MARK1: variants seen among roughly 807,000 people sequenced by gnomAD.
The protein encoded by MARK1 is microtubule affinity regulating kinase 1, also known as serine/threonine-protein kinase MARK1.
Under a neutral mutation model 96.3 loss-of-function variants are expected in MARK1, and 40 were observed. That is an observed-to-expected ratio of 0.42 (90% CI 0.32 to 0.54). The LOEUF is 0.54. MARK1 is among the 20% of genes least tolerant of loss of function. MARK1 has a pLI of 0.16. For missense variants in MARK1, 719 were observed against 984.6 expected, an observed-to-expected ratio of 0.73 and a Z score of 3.61; for synonymous variants, 317 against 341.2, an observed-to-expected ratio of 0.93 and a Z score of 0.78.
In MARK1 at chr1:220,631,163, T is replaced by C. The variant is rs1354025988; in HGVS notation, c.1009+29T>C. On this transcript the variant is annotated intron_variant, in intron 10 of 17. Transcript: ENST00000366917. Reference sequence around the variant, plus strand: ...AGTATTTAAACATGGTAAGAAGTGCTGTCCCTAGGCAACAAGTAAGAGTCC... The same window carrying C: ...AGTATTTAAACATGGTAAGAAGTGCCGTCCCTAGGCAACAAGTAAGAGTCC... The C allele has an allele frequency of 3.3e-6, 5 of 1,493,052 alleles. No homozygotes were observed. In the South Asian group the frequency reaches 4.6e-5, roughly 14 times the overall value. 92.5% of individuals were successfully genotyped at this position (1,493,052 alleles called of 1,614,324 possible). A position where few individuals can be genotyped will look rare whatever the true frequency, so the allele number is the denominator to read the frequency against.
intron 3 of MARK1, among the ~76,000 whole-genome samples, chr1:220,588,811 T>C (rs1288671599): frequency 2.6e-5 from 4 of 152,196 alleles, no homozygotes; most frequent in South Asian, 2.1e-4. Context: ...GAACTGCATG[T>C]CACCTTCAGG....
chr1:220,598,682 G>T (rs1273281329), intron 4 of MARK1, among the ~76,000 whole-genome samples: 1 of 151,646 alleles, frequency 6.6e-6, no homozygotes, highest in African/African-American at 2.4e-5. Context: ...CTAATTAAAT[G>T]TTTCTAAATT....
At chr1:220,647,075 CCTT>C (rs1402138124) in intron 13 of MARK1, among the ~76,000 whole-genome samples, 1 of 152,030 alleles carries the variant, frequency 6.6e-6, no homozygotes, top group Non-Finnish European at 1.5e-5. Context: ...AAACTAAAGA[CCTT>C]CTGCATAGCA....
intron 11 of MARK1, among the ~76,000 whole-genome samples, chr1:220,633,331 G>T (rs1377903443): frequency 6.6e-6 from 1 of 151,536 alleles, no homozygotes; most frequent in Non-Finnish European, 1.5e-5. Flanking sequence ...CGAGAGTCAA[G>T]AACAGATCGC....
chr1:220,548,898 TA>T (rs1380340290), intron 1 of MARK1, among the ~76,000 whole-genome samples: 3 of 152,238 alleles, frequency 2.0e-5, no homozygotes, highest in Non-Finnish European at 4.4e-5. Context: ...ACGGTATTTT[TA>T]GATAATTTAG....
intron 15 of MARK1, among the ~76,000 whole-genome samples, chr1:220,652,776 A>G (rs1244947819): frequency 1.3e-5 from 2 of 152,210 alleles, no homozygotes; most frequent in Non-Finnish European, 2.9e-5. Flanking sequence ...TTAATAAACA[A>G]TAAAATTTGT....
chr1:220,598,278 C>A, intron 3 of MARK1, 53 bp from the exon 4 acceptor site: 1 of 517,302 alleles, frequency 1.9e-6, no homozygotes, highest in Non-Finnish European at 3.7e-6. Flanking sequence ...AATTGGCTCT[C>A]TGCTTGCTTG....
At chr1:220,630,818 A>G (rs1025702394) in intron 9 of MARK1, among the ~76,000 whole-genome samples, 1 of 152,166 alleles carries the variant, frequency 6.6e-6, no homozygotes, top group Non-Finnish European at 1.5e-5. Context: ...GAGGCATGCT[A>G]TTTTGAATCA....
chr1:220,642,143 G>T (rs1668307278), intron 13 of MARK1, among the ~76,000 whole-genome samples: 1 of 152,178 alleles, frequency 6.6e-6, no homozygotes, highest in Non-Finnish European at 1.5e-5. Flanking sequence ...TCACTCAGTG[G>T]GTCCCCCTCC....
intron 1 of MARK1, among the ~76,000 whole-genome samples, chr1:220,543,713 A>G (rs377188467): frequency 1.3e-5 from 2 of 152,230 alleles, no homozygotes; most frequent in South Asian, 4.1e-4. Context: ...ACAATTTAAT[A>G]AACCAAGGTC....
At chr1:220,598,984 A>G (rs1665564025) in intron 4 of MARK1, among the ~76,000 whole-genome samples, 1 of 152,136 alleles carries the variant, frequency 6.6e-6, no homozygotes, top group African/African-American at 2.4e-5. Context: ...GTCTCAAAAA[A>G]AAGTCTCTAA....
At chr1:220,604,364 A>T (rs1161832896) in intron 6 of MARK1, among the ~76,000 whole-genome samples, 1 of 152,040 alleles carries the variant, frequency 6.6e-6, no homozygotes. Flanking sequence ...ATATTTATAG[A>T]TGAGACTCAC....
intron 7 of MARK1, among the ~76,000 whole-genome samples, chr1:220,617,590 A>G (rs541505095): frequency 3.3e-5 from 5 of 152,228 alleles, no homozygotes; most frequent in African/African-American, 1.2e-4. Flanking sequence ...AGGGACATGT[A>G]AAATATTGTC....
At chr1:220,581,320 G>A (rs967539608) in intron 3 of MARK1, among the ~76,000 whole-genome samples, 1 of 152,042 alleles carries the variant, frequency 6.6e-6, no homozygotes. Context: ...AATACATGTA[G>A]TATATGAAAG....
At chr1:220,594,405 T>C (rs1665190435) in intron 3 of MARK1, among the ~76,000 whole-genome samples, 1 of 152,154 alleles carries the variant, frequency 6.6e-6, no homozygotes, top group African/African-American at 2.4e-5. Flanking sequence ...CAACAGGAAC[T>C]CTCATTTGTT....
intron 13 of MARK1, among the ~76,000 whole-genome samples, chr1:220,650,065 A>C (rs111639494): frequency 3.3e-5 from 5 of 152,246 alleles, no homozygotes; most frequent in African/African-American, 1.2e-4. Flanking sequence ...ACTCGAGGAA[A>C]TATCTTCAGG....
chr1:220,533,778 A>G (rs966464337), intron 1 of MARK1, among the ~76,000 whole-genome samples: 3 of 152,132 alleles, frequency 2.0e-5, no homozygotes, highest in African/African-American at 7.2e-5. Flanking sequence ...TGTACCAACC[A>G]TTATGTCTTT....
At chr1:220,653,385 C>G (rs1668995167) in intron 16 of MARK1, 33 bp downstream of exon 16, 14 of 1,588,544 alleles carry the variant, frequency 8.8e-6, no homozygotes, top group Non-Finnish European at 1.1e-5. Context: ...GTTTTGATTC[C>G]TCTAGAAATT....
intron 9 of MARK1, among the ~76,000 whole-genome samples, chr1:220,619,453 G>A (rs770973529): frequency 3.9e-5 from 6 of 152,178 alleles, no homozygotes; most frequent in African/African-American, 1.2e-4. Flanking sequence ...CAGCCTGGGC[G>A]ACAGAGCGAG....
Sources: allele counts gnomAD v4.1 joint callset (sites outside exome capture counted in the v4.1 genomes callset), GRCh38; gene constraint gnomAD v4.1.1; transcripts MANE v1.5; gene names NCBI Gene and HGNC (gene_info 2026-07-23, HGNC 2026-07-21).